ARHGEF12: variants seen among roughly 807,000 people sequenced by gnomAD.
ARHGEF12 encodes the protein Rho guanine nucleotide exchange factor 12, also known as KMT2A/ARHGEF12 fusion protein.
In ARHGEF12, 66 loss-of-function variants were observed where a neutral mutation model predicts 211.2. The ratio of observed to expected loss-of-function variants is 0.31; its 90% CI spans 0.26 to 0.38. The LOEUF is 0.38. Ranked by LOEUF, ARHGEF12 falls within the 10% of genes least tolerant of loss-of-function variation. ARHGEF12 has a pLI of 1.00. For missense variants in ARHGEF12, 1,429 were observed against 1,869.5 expected (o/e 0.76, Z 4.34); for synonymous variants, 592 against 638.4 (o/e 0.93, Z 1.09).
intron 15 of ARHGEF12, among the ~76,000 whole-genome samples, chr11:120,445,063 T>C (rs987808034): frequency 6.6e-6 from 1 of 152,222 alleles, no homozygotes; most frequent in Non-Finnish European, 1.5e-5. Context: ...ATACACATAA[T>C]TTAGGTTTTA....
At position 120,465,469 on chromosome 11, in the gene ARHGEF12, T is replaced by C. The variant is rs180847026; in HGVS notation, c.2739+107T>C. Reference sequence around the variant, plus strand: ...GACTTTTACAAAGATTACATCTGTGTTAACTTTTTTTTTTTGAGACAGGGT... The same window carrying C: ...GACTTTTACAAAGATTACATCTGTGCTAACTTTTTTTTTTTGAGACAGGGT... On this transcript the variant is annotated intron_variant, in intron 28 of 40. Transcript: ENST00000397843. 6.0e-5 allele frequency: 87 copies of C among 1,454,180 alleles called. No individual in the cohort carries two copies. The Admixed American group carries it at 1.8e-3, about 30-fold the overall frequency. 90.1% of individuals were successfully genotyped at this position (1,454,180 alleles called of 1,614,324 possible).
intron 1 of ARHGEF12, among the ~76,000 whole-genome samples, chr11:120,350,061 A>G (rs1283404406): frequency 6.6e-6 from 1 of 152,212 alleles, no homozygotes. Flanking sequence ...GTATTTATTA[A>G]CATCAGTTTG....
chr11:120,448,852 G>T, intron 20 of ARHGEF12: 1 of 389,552 alleles, frequency 2.6e-6, no homozygotes. Context: ...TAAGTTCCTG[G>T]TAAATGTGCT....
intron 1 of ARHGEF12, among the ~76,000 whole-genome samples, chr11:120,380,635 G>A (rs1423655338): frequency 6.6e-6 from 1 of 152,112 alleles, no homozygotes; most frequent in Non-Finnish European, 1.5e-5. Flanking sequence ...TGGCATCACT[G>A]GTGATGTTAA....
chr11:120,361,592 C>T (rs1591500616), intron 1 of ARHGEF12, among the ~76,000 whole-genome samples: 2 of 152,110 alleles, frequency 1.3e-5, no homozygotes, highest in Non-Finnish European at 2.9e-5. Context: ...GGAAAATTCT[C>T]GCAAAAATTT....
At chr11:120,474,439 A>G in intron 31 of ARHGEF12, 121 bp from the exon 32 acceptor site, 2 of 604,956 alleles carry the variant, frequency 3.3e-6, no homozygotes, top group Middle Eastern at 4.7e-4. Context: ...CAATAATGAT[A>G]GTTGAATGTA....
At chr11:120,448,639 C>A (rs977928486) in intron 20 of ARHGEF12, 125 of 387,378 alleles carry the variant, frequency 3.2e-4, no homozygotes, top group Middle Eastern at 1.4e-3. Flanking sequence ...AACTAAATAC[C>A]CCCTGTGTTG....
In ARHGEF12 at chr11:120,486,231, G is replaced by A. The variant is rs1206098642; in HGVS notation, c.*1154G>A. The A allele has an allele frequency of 4.3e-6, 1 of 233,192 alleles. No individual in the cohort carries two copies. Among genetic ancestry groups the A allele is most frequent in the Non-Finnish European group, 8.5e-6 (1 of 117,808 alleles). The allele number at this position is 233,192 out of a possible 1,614,324, so 14.4% of individuals were successfully genotyped here. A position where few individuals can be genotyped will look rare whatever the true frequency, so the allele number is the denominator to read the frequency against. Reference sequence around the variant, plus strand: ...ACCTGGAGGTTTGACTCTAATTTTTGCACTGATGGTGCCAAAGGGCCCTGA... The same window carrying A: ...ACCTGGAGGTTTGACTCTAATTTTTACACTGATGGTGCCAAAGGGCCCTGA... On this transcript the variant is annotated 3_prime_UTR_variant, in exon 41 of 41. Coordinates refer to ENST00000397843, the MANE Select transcript of ARHGEF12 (RefSeq NM_015313.3).
At chr11:120,355,235 A>G (rs1943098946) in intron 1 of ARHGEF12, among the ~76,000 whole-genome samples, 1 of 152,208 alleles carries the variant, frequency 6.6e-6, no homozygotes, top group East Asian at 1.9e-4. Context: ...CGAGAAGGTT[A>G]TTACACAAGC....
At chr11:120,465,472 A>T in intron 28 of ARHGEF12, 110 bp downstream of exon 28, 1 of 1,433,264 alleles carries the variant, frequency 7.0e-7, no homozygotes, top group Non-Finnish European at 9.4e-7. Flanking sequence ...ATCTGTGTTA[A>T]CTTTTTTTTT....
At chr11:120,396,803 A>G (rs1369401174) in intron 1 of ARHGEF12, among the ~76,000 whole-genome samples, 1 of 152,204 alleles carries the variant, frequency 6.6e-6, no homozygotes, top group East Asian at 1.9e-4. Context: ...GCAGTGACCT[A>G]ATTTCCAAAT....
intron 1 of ARHGEF12, among the ~76,000 whole-genome samples, chr11:120,343,990 C>T (rs1212459689): frequency 2.6e-5 from 4 of 152,114 alleles, no homozygotes; most frequent in Non-Finnish European, 5.9e-5. Flanking sequence ...ACTGGCCAGG[C>T]GCGGTGGCTC....
At chr11:120,362,070 C>T (rs546774918) in intron 1 of ARHGEF12, among the ~76,000 whole-genome samples, 20 of 152,242 alleles carry the variant, frequency 1.3e-4, no homozygotes, top group African/African-American at 4.1e-4. Context: ...GATGCTGCCA[C>T]CAAAGTACCA....
chr11:120,351,193 C>CA (rs1398781728), intron 1 of ARHGEF12, among the ~76,000 whole-genome samples: 1 of 149,602 alleles, frequency 6.7e-6, no homozygotes, highest in Non-Finnish European at 1.5e-5. Flanking sequence ...ACTAAAAATA[C>CA]AAAAAAAATT....
chr11:120,425,207 C>T (rs908292522), intron 7 of ARHGEF12, among the ~76,000 whole-genome samples: 15 of 152,090 alleles, frequency 9.9e-5, no homozygotes, highest in African/African-American at 3.4e-4. Context: ...GTGAGCTTTG[C>T]TAGCAGGTGG....
chr11:120,377,453 A>G (rs914242799), intron 1 of ARHGEF12, among the ~76,000 whole-genome samples: 2 of 151,438 alleles, frequency 1.3e-5, no homozygotes, highest in African/African-American at 4.9e-5. Context: ...TGATCCTCCC[A>G]CCTCATGCTC....
At chr11:120,382,949 C>T (rs1156793673) in intron 1 of ARHGEF12, among the ~76,000 whole-genome samples, 1 of 152,120 alleles carries the variant, frequency 6.6e-6, no homozygotes, top group East Asian at 1.9e-4. Context: ...ACCATCCTGG[C>T]TAACATGGTG....
At chr11:120,364,413 A>G (rs11217838) in intron 1 of ARHGEF12, among the ~76,000 whole-genome samples, 2,070 of 152,354 alleles carry the variant, frequency 0.014, 58 homozygotes, top group African/African-American at 0.048. Flanking sequence ...ATAGTTCAAA[A>G]GCCTAAGAAA....
At chr11:120,377,211 C>G (rs1943750854) in intron 1 of ARHGEF12, among the ~76,000 whole-genome samples, 1 of 152,166 alleles carries the variant, frequency 6.6e-6, no homozygotes, top group African/African-American at 2.4e-5. Flanking sequence ...CCACAACCAG[C>G]ATAGTTAAGA....
Sources: allele counts gnomAD v4.1 joint callset (sites outside exome capture counted in the v4.1 genomes callset), GRCh38; gene constraint gnomAD v4.1.1; transcripts MANE v1.5; gene names NCBI Gene and HGNC (gene_info 2026-07-23, HGNC 2026-07-21).